The following HDAC4 variants were observed in gnomAD, a reference collection of about 807,000 sequenced individuals.
The protein encoded by HDAC4 is histone deacetylase A.
In HDAC4, 16 loss-of-function variants were observed where a neutral mutation model predicts 135.1. The observed-to-expected ratio is 0.12, with a 90% confidence interval of 0.08 to 0.18. HDAC4 has a LOEUF of 0.18. HDAC4 is among the 10% of genes least tolerant of loss of function. The pLI is 1.00. For synonymous variants in HDAC4, 685 were observed against 653.4 expected, an observed-to-expected ratio of 1.05 and a Z score of -0.74; for missense variants, 1,143 against 1,511.8, an observed-to-expected ratio of 0.76 and a Z score of 4.05.
chr2:239,101,541 C>T (rs116824382), intron 16 of HDAC4, among the ~76,000 whole-genome samples: 2 of 152,166 alleles, frequency 1.3e-5, no homozygotes, highest in Admixed American at 1.3e-4. Flanking sequence ...GCAACCCCTG[C>T]GTTCATGGTT....
chr2:239,144,597 G>T lies in HDAC4; in HGVS notation c.851C>A (p.Pro284Gln). The T allele has an allele frequency of 1.2e-6, 2 of 1,614,028 alleles. No homozygotes were observed. The highest frequency in any genetic ancestry group is 1.7e-6 in the Non-Finnish European group (2 of 1,180,034). The change falls in exon 8 of 27, where the codon CCG becomes CAG. Residue 284 changes from proline (P) to glutamine (Q), a missense_variant. Around this residue, in one of 9 missense-constraint regions of HDAC4, gnomAD observed 272 missense variants for 309.7 expected, o/e 0.88. Coordinates refer to ENST00000543185, the MANE Select transcript of HDAC4 (RefSeq NM_001378414.1). ...AGCCGACATACCTGTGACATCCAAC[G>T]GACGCTTTTTTAGAGCAGTGACCAC... Reference protein sequence around the residue: ...GPVVTALKKRPLDVTDSACSS... With the variant: ...GPVVTALKKRQLDVTDSACSS...
At chr2:239,264,005 A>G (rs1222848503) in intron 2 of HDAC4, among the ~76,000 whole-genome samples, 2 of 152,076 alleles carry the variant, frequency 1.3e-5, no homozygotes, top group Non-Finnish European at 2.9e-5. Flanking sequence ...CAGGGCACAC[A>G]GGACCTTTGG....
intron 5 of HDAC4, among the ~76,000 whole-genome samples, chr2:239,170,890 G>A (rs2411425): frequency 0.49 from 74,531 of 151,980 alleles, 18,892 homozygotes; most frequent in South Asian, 0.7. Flanking sequence ...TAAACCTCAT[G>A]AGCTTGTGCG....
At chr2:239,088,233 T>C (rs950102317) in intron 18 of HDAC4, among the ~76,000 whole-genome samples, 13 of 152,188 alleles carry the variant, frequency 8.5e-5, no homozygotes, top group Non-Finnish European at 1.9e-4. Context: ...GTTGCTGCCA[T>C]AAAAATGGAT....
rs1410941415 is a variant in HDAC4 at position 239,308,175 on chromosome 2, G to A, written c.22+44503C>T. ...GCTTCCTCATCTGTGAGATGGGGGT[G>A]GTCAGCGTGCAGGAAGCCCTCCTTG... On this transcript the variant is annotated intron_variant, in intron 2 of 26. Transcript: ENST00000543185. This position sits in a 1 kb window ranked among gnomAD's most constrained non-coding sequence, Gnocchi z 4.2. Among the ~76,000 whole-genome samples the A allele has an allele frequency of 6.6e-6, 1 of 152,092 alleles. No individual in the cohort carries two copies. Among genetic ancestry groups the A allele is most frequent in the African/African-American group, 2.4e-5 (1 of 41,406 alleles).
intron 20 of HDAC4, among the ~76,000 whole-genome samples, chr2:239,083,025 C>A (rs1028675115): frequency 6.6e-6 from 1 of 152,236 alleles, no homozygotes; most frequent in African/African-American, 2.4e-5. Flanking sequence ...GGAAGGGCAG[C>A]TACAGGTGAG....
At chr2:239,175,339 G>A (rs1400758954) in intron 5 of HDAC4, among the ~76,000 whole-genome samples, 1 of 152,184 alleles carries the variant, frequency 6.6e-6, no homozygotes, top group African/African-American at 2.4e-5. Context: ...TGCACCCCGG[G>A]GACACGCCAG....
intron 24 of HDAC4, among the ~76,000 whole-genome samples, chr2:239,065,241 C>T (rs767036923): frequency 1.6e-4 from 25 of 152,198 alleles, no homozygotes; most frequent in Non-Finnish European, 2.6e-4. Flanking sequence ...AACCCAGGGG[C>T]GTGCAAGGCA....
intron 3 of HDAC4, among the ~76,000 whole-genome samples, chr2:239,203,541 G>C (rs2045881789): frequency 6.6e-6 from 1 of 152,178 alleles, no homozygotes; most frequent in Admixed American, 6.5e-5. Flanking sequence ...TCTCGAAGCT[G>C]AACCGCTTTA....
At chr2:239,222,838 G>C (rs11886012) in intron 3 of HDAC4, among the ~76,000 whole-genome samples, 189 of 152,298 alleles carry the variant, frequency 1.2e-3, no homozygotes, top group African/African-American at 4.5e-3. Flanking sequence ...GGTCCCAGCG[G>C]GGACCTGGGT....
intron 17 of HDAC4, 121 bp from the exon 18 acceptor site, chr2:239,090,237 A>G: frequency 2.7e-6 from 2 of 728,330 alleles, no homozygotes; most frequent in Non-Finnish European, 5.1e-6. Context: ...GGCCTACCAG[A>G]GCCAGGGCAG....
rs116624459 is a variant in HDAC4, at chr2:239,116,498, G to C, written c.1534-1188C>G. Among the ~76,000 whole-genome samples, 1,228 of 152,256 alleles carry C rather than the reference G, an allele frequency of 8.1e-3. 14 individuals carry two copies. The highest frequency in any genetic ancestry group is 0.028 in the African/African-American group (1,175 of 41,550). ...GACGGTGCTGCTTCTCTCCAGCCTC[G>C]ACCTCCTGCCTTTCCTGCTTTGCCC... On this transcript the variant is annotated intron_variant, in intron 12 of 26. Transcript: ENST00000543185.
intron 6 of HDAC4, among the ~76,000 whole-genome samples, chr2:239,158,300 C>T (rs907287790): frequency 6.6e-6 from 1 of 152,170 alleles, no homozygotes; most frequent in Non-Finnish European, 1.5e-5. Flanking sequence ...ACCATTTCCG[C>T]GTTCACTTTT....
At chr2:239,059,695 A>C (rs2032387279) in intron 24 of HDAC4, among the ~76,000 whole-genome samples, 1 of 152,202 alleles carries the variant, frequency 6.6e-6, no homozygotes, top group Non-Finnish European at 1.5e-5. Flanking sequence ...GGCCTAGGAG[A>C]GTTCTCCCAG....
At position 239,306,527 on chromosome 2, in the gene HDAC4, G is replaced by A. The variant is rs1012103577; in HGVS notation, c.22+46151C>T. Among the ~76,000 whole-genome samples, 1 of 152,092 alleles carries A rather than the reference G, an allele frequency of 6.6e-6. No homozygotes were observed. Among genetic ancestry groups the A allele is most frequent in the Non-Finnish European group, 1.5e-5 (1 of 68,014 alleles). On this transcript the variant is annotated intron_variant, in intron 2 of 26. Coordinates refer to ENST00000543185, the MANE Select transcript of HDAC4 (RefSeq NM_001378414.1). This position sits in a 1 kb window ranked among gnomAD's most constrained non-coding sequence, Gnocchi z 4.5. ...AGAGCCATCAAATCATCTGGGCCCC[G>A]ACACACTTGTTTCGTACCTTTCCCG...
At position 239,068,866 on chromosome 2, in the gene HDAC4, G is replaced by A; in HGVS notation, c.2751-259C>T. 2.4e-6 allele frequency: 1 copy of A among 423,572 alleles called. No homozygotes were observed. The highest frequency in any genetic ancestry group is 2.1e-5 in the South Asian group (1 of 47,086). 26.2% of individuals were successfully genotyped at this position (423,572 alleles called of 1,614,324 possible). ...CCCCACGACACTTGCTTGGTGAGAG[G>A]GAGTCACGGTGCAAGCCAGCAAGCC... On this transcript the variant is annotated intron_variant, in intron 22 of 26. Transcript: ENST00000543185. This position sits in a 1 kb window ranked among gnomAD's most constrained non-coding sequence, Gnocchi z 4.4.
At chr2:239,086,039 C>T (rs13411352) in intron 19 of HDAC4, 1 of 6,736 alleles carries the variant, frequency 1.5e-4, no homozygotes, top group African/African-American at 7.6e-4. Flanking sequence ...CTCCTCCCTG[C>T]ACATGAAGGA....
intron 2 of HDAC4, among the ~76,000 whole-genome samples, chr2:239,271,264 C>T (rs950706653): frequency 6.6e-6 from 1 of 152,126 alleles, no homozygotes; most frequent in Non-Finnish European, 1.5e-5. Flanking sequence ...TAGGTGCATG[C>T]CACCATGCCT....
rs2052094426 is a variant in HDAC4, at chr2:239,299,142, G to A, written c.22+53536C>T. ...GGCCTCCCAAAGTGCTGGGATTACAGGCATAAGCTATTGCACCCGGCCTGT... is the reference window on the plus strand; with the variant it reads ...GGCCTCCCAAAGTGCTGGGATTACAAGCATAAGCTATTGCACCCGGCCTGT... On this transcript the variant is annotated intron_variant, in intron 2 of 26. Transcript: ENST00000543185. The surrounding 1 kb of genome is among the most constrained non-coding windows in gnomAD (Gnocchi z 4.0). Among the ~76,000 whole-genome samples the A allele has an allele frequency of 6.6e-6, 1 of 152,142 alleles. No individual in the cohort carries two copies. Among genetic ancestry groups the A allele is most frequent in the Admixed American group, 6.5e-5 (1 of 15,280 alleles).
Sources: gnomAD v4.1 joint callset for allele counts (sites outside exome capture counted in the v4.1 genomes callset) on GRCh38, gnomAD v4.1.1 for gene constraint, gnomAD v4.1.1 regional missense constraint, Gnocchi (gnomAD v3.1) non-coding constraint, MANE v1.5 for transcripts, NCBI Gene and HGNC (gene_info 2026-07-23, HGNC 2026-07-21) for gene names.